MEST: variants seen among roughly 807,000 people sequenced by gnomAD.
MEST encodes the protein mesoderm specific transcript.
MEST carries 18 observed loss-of-function variants against 50.9 expected under a neutral mutation model. That is an observed-to-expected ratio of 0.35 (90% CI 0.24 to 0.52). The LOEUF is 0.52. MEST is among the 20% of genes least tolerant of loss of function. The pLI is 0.94. For synonymous variants in MEST, 130 were observed against 154.1 expected (o/e 0.84, Z 1.16); for missense variants, 282 against 425.3 (o/e 0.66, Z 2.96).
upstream of MEST, chr7:130,488,699 T>C (rs1189974119): frequency 6.6e-6 from 1 of 152,234 alleles, no homozygotes; most frequent in Non-Finnish European, 1.5e-5. Flanking sequence ...GAGCTTAAAA[T>C]ACGAGAACTG....
chr7:130,494,088 G>T (rs1798941961), intron 1 of MEST, among the ~76,000 whole-genome samples: 1 of 152,186 alleles, frequency 6.6e-6, no homozygotes, highest in Non-Finnish European at 1.5e-5. Flanking sequence ...CATTGTTTAA[G>T]AAACATGGTT....
chr7:130,499,904 C>G lies in MEST; in HGVS notation c.565C>G (p.Leu189Val). Residue 189 changes from leucine to valine, a missense_variant, in exon 7 of 12, where the codon CTT becomes GTT. By Grantham distance (32) the Leu-to-Val change is conservative. Coordinates refer to ENST00000223215, the MANE Select transcript of MEST (RefSeq NM_002402.4). ...CTTTCCTGAGACTCACCGTCCACTC[C>G]TTCTCCAAAAGGTTGGTACTTCACT... ...GIFPETHRPL[L>V]LQKLLKDGGV... The G allele has an allele frequency of 6.2e-7, 1 of 1,612,678 alleles. No individual in the cohort carries two copies. Among genetic ancestry groups the G allele is most frequent in the Non-Finnish European group, 8.5e-7 (1 of 1,179,280 alleles).
Position 130,500,417 on chromosome 7 carries a change from C to A in MEST, c.577-45C>A. ...TAAAACCTTTTGCCCCGGTGAGGAT[C>A]TTCCTCTGGGTTCTTGAGCTTTACC... On this transcript the variant is annotated intron_variant, in intron 7 of 11. Coordinates refer to ENST00000223215, the MANE Select transcript of MEST (RefSeq NM_002402.4). This position sits in a 1 kb window ranked among gnomAD's most constrained non-coding sequence, Gnocchi z 5.0. 1 of 1,557,518 alleles carries A rather than the reference C, an allele frequency of 6.4e-7. No homozygotes were observed. Among genetic ancestry groups the A allele is most frequent in the South Asian group, 1.1e-5 (1 of 87,276 alleles).
At chr7:130,498,351 C>G (rs1799148636) in intron 5 of MEST, 68 bp from the exon 6 acceptor site, 1 of 1,610,776 alleles carries the variant, frequency 6.2e-7, no homozygotes, top group Admixed American at 1.7e-5. Context: ...TCCTTTTTCT[C>G]TCGTTTTCAG....
intron 9 of MEST, among the ~76,000 whole-genome samples, chr7:130,502,290 A>C (rs1484739311): frequency 2.6e-5 from 4 of 152,250 alleles, no homozygotes; most frequent in Non-Finnish European, 5.9e-5. Context: ...TATATGTTTG[A>C]GTCAGAGAGG....
rs200955825 is a variant in MEST at position 130,495,538 on chromosome 7, T to C, written c.181+16T>C. ...TTCTACCAAGGTAAGAAGTGGACTA[T>C]TGGAAGTCCTGCGTGTATCGGTCAC... On this transcript the variant is annotated intron_variant, in intron 2 of 11. Transcript: ENST00000223215. The C allele has an allele frequency of 7.4e-6, 12 of 1,611,860 alleles. No individual in the cohort carries two copies. Among genetic ancestry groups the C allele is most frequent in the East Asian group, 4.5e-5 (2 of 44,822 alleles).
chr7:130,501,311 ACT>A (rs782715142), intron 9 of MEST, among the ~76,000 whole-genome samples: 8 of 152,008 alleles, frequency 5.3e-5, no homozygotes, highest in Non-Finnish European at 1.0e-4. Flanking sequence ...TTGGGATAAG[ACT>A]CTGACTTCTA....
rs1554437393 is a variant in MEST at position 130,497,652 on chromosome 7, A to G, written c.262-284A>G. 2.6e-6 allele frequency: 1 copy of G among 390,426 alleles called. No individual in the cohort carries two copies. Among genetic ancestry groups the G allele is most frequent in the Non-Finnish European group, 4.6e-6 (1 of 217,746 alleles). The allele number at this position is 390,426 out of a possible 1,614,324, so 24.2% of individuals were successfully genotyped here. Reference sequence around the variant, plus strand: ...TGCACATTTGAATTGCTTTTAAAAAAACATTAAATGTTGAACTGTTCCTTA... The same window carrying G: ...TGCACATTTGAATTGCTTTTAAAAAGACATTAAATGTTGAACTGTTCCTTA... On this transcript the variant is annotated intron_variant, in intron 3 of 11. Transcript: ENST00000223215. This position sits in a 1 kb window ranked among gnomAD's most constrained non-coding sequence, Gnocchi z 4.0.
At chr7:130,503,105 C>T (rs1799337449) in intron 10 of MEST, among the ~76,000 whole-genome samples, 1 of 152,090 alleles carries the variant, frequency 6.6e-6, no homozygotes, top group Admixed American at 6.5e-5. Flanking sequence ...CAGTGACTGC[C>T]ACATTACATG....
intron 1 of MEST, among the ~76,000 whole-genome samples, chr7:130,494,331 C>T (rs1798955048): frequency 6.6e-6 from 1 of 152,166 alleles, no homozygotes. Flanking sequence ...GTATTATTTC[C>T]ATTCTGGCTG....
In MEST at chr7:130,498,120, T is replaced by C. The variant is rs1473630665; in HGVS notation, c.340-19T>C. The C allele has an allele frequency of 1.9e-6, 3 of 1,614,016 alleles. No homozygotes were observed. The highest frequency in any genetic ancestry group is 2.2e-5 in the South Asian group (2 of 91,078). On this transcript the variant is annotated intron_variant, in intron 4 of 11. Coordinates refer to ENST00000223215, the MANE Select transcript of MEST (RefSeq NM_002402.4). ...TCCTCATGACTTCATCCTGTGTATG[T>C]GGGCTTTCCTTTCCTCAGAGACCAC...
chr7:130,495,603 C>A, intron 2 of MEST, 81 bp downstream of exon 2: 1 of 1,375,176 alleles, frequency 7.3e-7, no homozygotes, highest in Non-Finnish European at 1.0e-6. Flanking sequence ...GGCTATTGGT[C>A]TCTTGTTGCT....
chr7:130,499,672 T>G (rs1799202228), intron 6 of MEST, among the ~76,000 whole-genome samples: 1 of 152,268 alleles, frequency 6.6e-6, no homozygotes, highest in Non-Finnish European at 1.5e-5. Context: ...GGTGGGTAGT[T>G]TCTGATAATG....
intron 11 of MEST, among the ~76,000 whole-genome samples, chr7:130,504,555 C>G (rs1472445151): frequency 1.3e-5 from 2 of 152,142 alleles, no homozygotes; most frequent in Non-Finnish European, 2.9e-5. Flanking sequence ...AAATAAAATA[C>G]CCCCTCTCTC....
chr7:130,502,610 T>C (rs1799315603), intron 9 of MEST, 34 bp from the exon 10 acceptor site: 1 of 1,538,202 alleles, frequency 6.5e-7, no homozygotes, highest in African/African-American at 1.4e-5. Context: ...TAAAGGTTTC[T>C]TGTTCTGCAC....
At chr7:130,491,726 G>T (rs1476912896), upstream of MEST, among the ~76,000 whole-genome samples, 1 of 152,080 alleles carries the variant, frequency 6.6e-6, no homozygotes, top group Non-Finnish European at 1.5e-5. The surrounding 1 kb of genome is among the most constrained non-coding windows in gnomAD (Gnocchi z 6.8). Context: ...GTTTGTGGGC[G>T]GCCTGTGGGG....
rs1282237929 is a variant in MEST at position 130,506,187 on chromosome 7, G to A, written c.*1131G>A. Reference sequence around the variant, plus strand: ...GTCTTAGTCAAAGCAGGATTATTAAGTGATTATTTAAAATTCGTTTTTTTA... The same window carrying A: ...GTCTTAGTCAAAGCAGGATTATTAAATGATTATTTAAAATTCGTTTTTTTA... On this transcript the variant is annotated 3_prime_UTR_variant, in exon 12 of 12. Coordinates refer to ENST00000223215, the MANE Select transcript of MEST (RefSeq NM_002402.4). The A allele has an allele frequency of 6.6e-6, 1 of 152,444 alleles. No individual in the cohort carries two copies. Among genetic ancestry groups the A allele is most frequent in the Non-Finnish European group, 1.5e-5 (1 of 68,040 alleles). The allele number at this position is 152,444 out of a possible 1,614,324, so 9.4% of individuals were successfully genotyped here. A position where few individuals can be genotyped will look rare whatever the true frequency, so the allele number is the denominator to read the frequency against.
In MEST at chr7:130,497,282, G is replaced by A. The variant is rs376535303; in HGVS notation, c.261+47G>A. 2.5e-4 allele frequency: 386 copies of A among 1,532,908 alleles called. 6 individuals are homozygous for A. The highest frequency in any genetic ancestry group is 1.2e-3 in the Middle Eastern group (7 of 5,876). The allele number at this position is 1,532,908 out of a possible 1,614,324, so 95.0% of individuals were successfully genotyped here. A position where few individuals can be genotyped will look rare whatever the true frequency, so the allele number is the denominator to read the frequency against. The stretch of plus-strand genomic sequence containing the variant: ...GTCCTACTATGTCTTAAAAAATCTC[G>A]GCCGGGCGCGGGGGCTCAAATCCTA... On this transcript the variant is annotated intron_variant, in intron 3 of 11. Transcript: ENST00000223215. This position sits in a 1 kb window ranked among gnomAD's most constrained non-coding sequence, Gnocchi z 4.0.
chr7:130,493,370 T>C (rs1475080862), intron 1 of MEST: 1 of 152,194 alleles, frequency 6.6e-6, no homozygotes, highest in African/African-American at 2.4e-5. Flanking sequence ...TGGAGTTTGC[T>C]TATTGTCTCC....
Sources: allele counts gnomAD v4.1 joint callset (sites outside exome capture counted in the v4.1 genomes callset), GRCh38; gene constraint gnomAD v4.1.1; non-coding constraint Gnocchi (gnomAD v3.1); transcripts MANE v1.5; gene names NCBI Gene and HGNC (gene_info 2026-07-23, HGNC 2026-07-21).